Variants in CCM2 observed in about 807,000 individuals in gnomAD.
The protein encoded by CCM2 is CCM2 scaffold protein, also known as cerebral cavernous malformations 2 protein.
A neutral mutation model predicts 44.9 loss-of-function variants in CCM2; 25 were observed. The observed-to-expected ratio is 0.56, with a 90% confidence interval of 0.41 to 0.78. The LOEUF is 0.78. Ranked by LOEUF, CCM2 falls within the 30% of genes least tolerant of loss-of-function variation. CCM2 has a pLI of 0.00. For synonymous variants in CCM2, 219 were observed against 241.1 expected, an observed-to-expected ratio of 0.91 and a Z score of 0.85; for missense variants, 481 against 580.6, an observed-to-expected ratio of 0.83 and a Z score of 1.76.
At position 45,023,738 on chromosome 7, in the gene CCM2, T is replaced by G. The variant is rs1182266794; in HGVS notation, c.31-14515T>G. On this transcript the variant is annotated intron_variant, in intron 1 of 9. Coordinates refer to ENST00000258781, the MANE Select transcript of CCM2 (RefSeq NM_031443.4). ...ACTGGGAAATCTTTTTTTTTTTTTT[T>G]TTGTCGTGTGCATCTTTGTTTAGTC... Among the ~76,000 whole-genome samples, 3 of 151,684 alleles carry G rather than the reference T, an allele frequency of 2.0e-5. No individual in the cohort carries two copies. In the East Asian group the frequency reaches 5.8e-4, roughly 29 times the overall value.
Position 45,005,796 on chromosome 7 carries a change from A to T in CCM2, c.30+5433A>T, listed in dbSNP as rs956542865. Among the ~76,000 whole-genome samples the T allele has an allele frequency of 5.3e-5, 8 of 152,310 alleles. No homozygotes were observed. The East Asian group carries it at 1.5e-3, about 29-fold the overall frequency. On this transcript the variant is annotated intron_variant, in intron 1 of 9. Transcript: ENST00000258781. ...GCAGACCTAGGATGTCAGAAGAGAC[A>T]TGGGGCAGGCAGCAGCCACTTCCAG...
At position 45,038,270 on chromosome 7, in the gene CCM2, A is replaced by T. The variant is rs142320735; in HGVS notation, c.48A>T (p.Pro16=). The change falls in exon 2 of 10, where the codon CCA becomes CCT. Residue 16 remains proline, a synonymous_variant. Transcript: ENST00000258781. ...GCCTGCAGCCTGGAATTGTCTCGCC[A>T]TTTAAACGAGTATTCCTAAAAGGTG... ...KKGKKPGIVS[P]FKRVFLKGEK... is the part of the protein sequence containing the mutation. The T allele has an allele frequency of 2.2e-5, 36 of 1,614,048 alleles. No homozygotes were observed. Among genetic ancestry groups the T allele is most frequent in the Non-Finnish European group, 2.7e-5 (32 of 1,180,044 alleles).
chr7:45,071,217 G>A (rs893142188), intron 6 of CCM2: 1 of 152,474 alleles, frequency 6.6e-6, no homozygotes, highest in African/African-American at 2.4e-5. Context: ...TTATCGAGCT[G>A]TAATTAAACA....
chr7:45,019,868 C>T (rs1429155169), intron 1 of CCM2, among the ~76,000 whole-genome samples: 2 of 152,186 alleles, frequency 1.3e-5, no homozygotes, highest in African/African-American at 2.4e-5. Context: ...AGCTCCCGCA[C>T]CCAGCCATCA....
At chr7:45,041,457 A>C (rs534969783) in intron 2 of CCM2, among the ~76,000 whole-genome samples, 5 of 152,084 alleles carry the variant, frequency 3.3e-5, no homozygotes, top group Non-Finnish European at 5.9e-5. Flanking sequence ...CCCAGTAGTG[A>C]TTTCTTCAGG....
At chr7:45,050,220 C>G (rs1276605450) in intron 2 of CCM2, among the ~76,000 whole-genome samples, 1 of 152,172 alleles carries the variant, frequency 6.6e-6, no homozygotes, top group East Asian at 1.9e-4. Flanking sequence ...CAGGTTGTAG[C>G]CTGGGAGCAA....
At chr7:45,064,166 G>A (rs1369132739) in intron 3 of CCM2, among the ~76,000 whole-genome samples, 165 bp downstream of exon 3, 1 of 152,146 alleles carries the variant, frequency 6.6e-6, no homozygotes, top group Non-Finnish European at 1.5e-5. Flanking sequence ...ACATTAAGTT[G>A]ATTCTCGACA....
chr7:45,070,386 C>T lies in CCM2; in HGVS notation c.745+425C>T, dbSNP rs116319289. ...GCTGCTCTTAATGTGAAACTCCTTCCAGGACCATGGCCAGACCCATGGGAA... is the reference window on the plus strand; with the variant it reads ...GCTGCTCTTAATGTGAAACTCCTTCTAGGACCATGGCCAGACCCATGGGAA... On this transcript the variant is annotated intron_variant, in intron 6 of 9. Transcript: ENST00000258781. The T allele has an allele frequency of 4.0e-3, 1,783 of 447,042 alleles. 32 individuals carry two copies. Among genetic ancestry groups the T allele is most frequent in the African/African-American group, 0.032 (1,587 of 49,798 alleles). 27.7% of individuals were successfully genotyped at this position (447,042 alleles called of 1,614,324 possible). A position where few individuals can be genotyped will look rare whatever the true frequency, so the allele number is the denominator to read the frequency against.
At chr7:45,073,822 C>T in intron 8 of CCM2, 1 of 570,290 alleles carries the variant, frequency 1.8e-6, no homozygotes, top group Non-Finnish European at 3.1e-6. Context: ...GTGCTTGGGT[C>T]CTGGGGGAGG....
intron 2 of CCM2, among the ~76,000 whole-genome samples, chr7:45,057,218 A>G (rs1798303624): frequency 6.6e-6 from 1 of 151,152 alleles, no homozygotes; most frequent in Non-Finnish European, 1.5e-5. Flanking sequence ...GCTGGAGTGC[A>G]GTGGTATGAT....
At chr7:45,037,367 A>G (rs190144997) in intron 1 of CCM2, among the ~76,000 whole-genome samples, 98 of 150,646 alleles carry the variant, frequency 6.5e-4, no homozygotes, top group African/African-American at 2.1e-3. Context: ...TAGGGTGTGA[A>G]GTCATCAGAG....
rs751420337 is a variant in CCM2 at position 45,068,529 on chromosome 7, G to T, written c.559G>T (p.Val187Phe). Residue 187 changes from valine to phenylalanine, a missense_variant, in exon 5 of 10, where the codon GTT becomes TTT. Physicochemically the swap from Val to Phe is conservative, Grantham distance 50. Transcript: ENST00000258781. ...TGCAGGCTCCCTGTCGGAGAGTGCAGTTGGGCCCGTGGAGGCATGCTGCCT... is the reference window on the plus strand; with the variant it reads ...TGCAGGCTCCCTGTCGGAGAGTGCATTTGGGCCCGTGGAGGCATGCTGCCT... ...LSAGSLSESA[V>F]GPVEACCLVI... The T allele has an allele frequency of 5.6e-6, 9 of 1,614,170 alleles. No homozygotes were observed. The highest frequency in any genetic ancestry group is 3.3e-4 in the Middle Eastern group (2 of 6,062).
intron 1 of CCM2, among the ~76,000 whole-genome samples, chr7:45,025,437 T>C (rs958761900): frequency 6.6e-6 from 1 of 152,206 alleles, no homozygotes; most frequent in Non-Finnish European, 1.5e-5. Context: ...CTTTGGGCTC[T>C]CCGCTATGTC....
intron 1 of CCM2, among the ~76,000 whole-genome samples, chr7:45,011,774 ATTCTTGATCTCAAG>A (rs1335881077): frequency 6.6e-6 from 1 of 152,166 alleles, no homozygotes; most frequent in Non-Finnish European, 1.5e-5. Flanking sequence ...ATGATCTCAA[ATTCTTGATCTCAAG>A]TGATCTGCCT....
chr7:45,049,038 T>G (rs7809425), intron 2 of CCM2, among the ~76,000 whole-genome samples: 2 of 152,014 alleles, frequency 1.3e-5, no homozygotes, highest in South Asian at 4.1e-4. Context: ...TCACTGCAGC[T>G]TCAACTTCCC....
intron 1 of CCM2, among the ~76,000 whole-genome samples, chr7:45,001,214 G>C (rs1167545173): frequency 6.6e-6 from 1 of 152,144 alleles, no homozygotes; most frequent in Non-Finnish European, 1.5e-5. Flanking sequence ...CACCTTGTTT[G>C]ACAGAGTGCC....
chr7:45,064,564 C>T lies in CCM2; in HGVS notation c.390C>T (p.Ile130=), dbSNP rs1292532913. The T allele has an allele frequency of 6.2e-7, 1 of 1,613,842 alleles. No individual in the cohort carries two copies. Among genetic ancestry groups the T allele is most frequent in the African/African-American group, 1.3e-5 (1 of 74,928 alleles). The change falls in exon 4 of 10, where the codon ATC becomes ATT. Residue 130 remains isoleucine (I), a synonymous_variant. Transcript: ENST00000258781. ...TGGCCTGGAGGGACGGGGAGGATAT[C>T]ATCCTCAGGGTGCCCATCCATGACA... The part of the protein sequence containing the change: ...VKLAWRDGED[I]ILRVPIHDIA...
intron 1 of CCM2, chr7:45,027,674 A>G: frequency 6.2e-7 from 1 of 1,613,972 alleles, no homozygotes; most frequent in Non-Finnish European, 8.5e-7. Flanking sequence ...ATCTGGCCAT[A>G]TTTTTCAACA....
chr7:45,057,170 CT>C (rs35056855), intron 2 of CCM2, among the ~76,000 whole-genome samples: 5 of 147,760 alleles, frequency 3.4e-5, no homozygotes, highest in Non-Finnish European at 3.0e-5. Context: ...TTCTTTCTTT[CT>C]TTTTTTTTTG....
Sources: gnomAD v4.1 joint callset for allele counts (sites outside exome capture counted in the v4.1 genomes callset) on GRCh38, gnomAD v4.1.1 for gene constraint, MANE v1.5 for transcripts, NCBI Gene and HGNC (gene_info 2026-07-23, HGNC 2026-07-21) for gene names.